ZNF585B: variants seen among roughly 807,000 people sequenced by gnomAD.
The protein encoded by ZNF585B is zinc finger protein 585B, also known as zinc finger protein 41-like protein.
A neutral mutation model predicts 14.0 loss-of-function variants in ZNF585B; 7 were observed. That is an observed-to-expected ratio of 0.50 (90% CI 0.28 to 0.94). The LOEUF (loss-of-function observed/expected upper bound fraction) is 0.94, where lower values mean the gene tolerates loss of function less well. Ranked by LOEUF, ZNF585B falls within the 40% of genes least tolerant of loss-of-function variation. The pLI, the probability that ZNF585B is intolerant of heterozygous loss-of-function variation, is 0.09. For missense variants in ZNF585B, 750 were observed against 924.4 expected (o/e 0.81, Z 2.45); for synonymous variants, 290 against 317.3 (o/e 0.91, Z 0.91).
At chr19:37,198,831 G>C (rs2145440573) in intron 2 of ZNF585B, 1 of 515,292 alleles carries the variant, frequency 1.9e-6, no homozygotes, top group South Asian at 3.4e-5. Context: ...TTTGTATAGA[G>C]GTCACTGGAT....
At position 37,207,310 on chromosome 19, in the gene ZNF585B, G is replaced by T. The variant is rs1398305807; in HGVS notation, c.-143-56C>A. On this transcript the variant is annotated intron_variant, in intron 1 of 4. Transcript: ENST00000532828. ...ACATTCACTACATAAACACTTCCTG[G>T]ATACACCAAGGTGCAGGTCCCTGCG... 3.8e-6 allele frequency: 5 copies of T among 1,332,886 alleles called. No individual in the cohort carries two copies. The African/African-American group carries it at 5.9e-5, about 16-fold the overall frequency. The allele number at this position is 1,332,886 out of a possible 1,614,324, so 82.6% of individuals were successfully genotyped here.
rs144240727 is a variant in ZNF585B, at chr19:37,210,090, G to T, written c.-144+351C>A. ...AAAAAATTTTTAAACACTTAGATTTGAACAATACGAAACTGCTACACATCA... is the reference window on the plus strand; with the variant it reads ...AAAAAATTTTTAAACACTTAGATTTTAACAATACGAAACTGCTACACATCA... On this transcript the variant is annotated intron_variant, in intron 1 of 4. Transcript: ENST00000532828. Among the ~76,000 whole-genome samples, 321 of 152,136 alleles carry T rather than the reference G, an allele frequency of 2.1e-3. 4 individuals carry two copies. The highest frequency in any genetic ancestry group is 7.6e-3 in the African/African-American group (314 of 41,516).
At chr19:37,190,396 C>A (rs1972387477) in intron 2 of ZNF585B, 1 of 356,804 alleles carries the variant, frequency 2.8e-6, no homozygotes, top group African/African-American at 2.1e-5. Flanking sequence ...CAGGCACGTG[C>A]CACCACACCC....
intron 2 of ZNF585B, among the ~76,000 whole-genome samples, chr19:37,192,517 A>AT (rs920195868): frequency 2.0e-4 from 28 of 137,604 alleles, no homozygotes; most frequent in South Asian, 4.6e-4. Context: ...AAAAAAAAAA[A>AT]AAATAAAATA....
At chr19:37,204,772 A>G (rs1972568111) in intron 2 of ZNF585B, among the ~76,000 whole-genome samples, 1 of 148,680 alleles carries the variant, frequency 6.7e-6, no homozygotes, top group African/African-American at 2.5e-5. Flanking sequence ...TTTGAGACAG[A>G]GGCTCACTCT....
rs1972381533 is a variant in ZNF585B at position 37,189,991 on chromosome 19, C to T, written c.199+33G>A. 5 of 1,610,422 alleles carry T rather than the reference C, an allele frequency of 3.1e-6. No homozygotes were observed. In the Admixed American group the frequency reaches 6.7e-5, roughly 22 times the overall value. ...GAGAATGAAAACACTCTCAGTGAGG[C>T]CTCCTTTCAGATACCAAGGTGACTG... On this transcript the variant is annotated intron_variant, in intron 3 of 4. Coordinates refer to ENST00000532828, the MANE Select transcript of ZNF585B (RefSeq NM_152279.4).
At position 37,202,163 on chromosome 19, in the gene ZNF585B, C is replaced by T. The variant is rs117485136; in HGVS notation, c.72+4877G>A. Among the ~76,000 whole-genome samples, 1,269 of 152,000 alleles carry T rather than the reference C, an allele frequency of 8.3e-3. 7 individuals carry two copies. The highest frequency in any genetic ancestry group is 0.014 in the Non-Finnish European group (946 of 67,952). On this transcript the variant is annotated intron_variant, in intron 2 of 4. Transcript: ENST00000532828. ...ACCAGTAGCTGGGATTACAGGCGCC[C>T]GCCTAATTTTTGTATTTTTAATAGA...
chr19:37,192,484 G>C (rs1200391560), intron 2 of ZNF585B, among the ~76,000 whole-genome samples: 1 of 150,222 alleles, frequency 6.7e-6, no homozygotes, highest in Non-Finnish European at 1.5e-5. Context: ...TCCAACCTGA[G>C]TGACAGAGCG....
rs755551847 is a variant in ZNF585B at position 37,190,162 on chromosome 19, C to A, written c.73-12G>T. On this transcript the variant is annotated splice_polypyrimidine_tract_variant and intron_variant, in intron 2 of 4. Transcript: ENST00000532828. The stretch of plus-strand genomic sequence containing the variant: ...AAGGACACTGATCCCTGTAAGGGCA[C>A]ATTCCTGTTCAATGTGCATAGTCAG... 1.2e-6 allele frequency: 2 copies of A among 1,614,140 alleles called. No homozygotes were observed. Among genetic ancestry groups the A allele is most frequent in the East Asian group, 4.5e-5 (2 of 44,880 alleles).
chr19:37,182,228 T>G lies in ZNF585B; in HGVS notation c.*2999A>C, dbSNP rs575606890. 4 of 152,240 alleles carry G rather than the reference T, an allele frequency of 2.6e-5. No individual in the cohort carries two copies. The highest frequency in any genetic ancestry group is 9.6e-5 in the African/African-American group (4 of 41,542). 9.4% of individuals were successfully genotyped at this position (152,240 alleles called of 1,614,324 possible). On this transcript the variant is annotated 3_prime_UTR_variant, in exon 5 of 5. Transcript: ENST00000532828. ...CTAAAATATCACGTTACAATAAATA[T>G]AAAGGAGAAATTATTGAAAGTCATG...
At chr19:37,204,895 C>T (rs920525768) in intron 2 of ZNF585B, among the ~76,000 whole-genome samples, 3 of 151,950 alleles carry the variant, frequency 2.0e-5, no homozygotes, top group African/African-American at 7.3e-5. Flanking sequence ...TACAGGCGTA[C>T]GCCACCATGC....
At position 37,181,750 on chromosome 19, in the gene ZNF585B, A is replaced by C. The variant is rs1248527826; in HGVS notation, c.*3477T>G. ...TACGAAAAGACATGGAAGAAACTTAAATCCACATTACTAAGTGAAACAAAT... is the reference window on the plus strand; with the variant it reads ...TACGAAAAGACATGGAAGAAACTTACATCCACATTACTAAGTGAAACAAAT... On this transcript the variant is annotated 3_prime_UTR_variant, in exon 5 of 5. Coordinates refer to ENST00000532828, the MANE Select transcript of ZNF585B (RefSeq NM_152279.4). The C allele has an allele frequency of 6.6e-6, 1 of 152,186 alleles. No homozygotes were observed. Among genetic ancestry groups the C allele is most frequent in the Non-Finnish European group, 1.5e-5 (1 of 68,038 alleles). 9.4% of individuals were successfully genotyped at this position (152,186 alleles called of 1,614,324 possible).
chr19:37,193,114 G>T (rs571910560), intron 2 of ZNF585B, among the ~76,000 whole-genome samples: 1 of 151,912 alleles, frequency 6.6e-6, no homozygotes, highest in Non-Finnish European at 1.5e-5. Context: ...CAGCCTGGGC[G>T]ACAGTGCAAG....
At chr19:37,194,212 T>G (rs1972435300) in intron 2 of ZNF585B, among the ~76,000 whole-genome samples, 1 of 152,170 alleles carries the variant, frequency 6.6e-6, no homozygotes, top group Admixed American at 6.6e-5. Context: ...TATATTTAAA[T>G]TTTTTCGTAA....
At chr19:37,193,673 G>C (rs111681149) in intron 2 of ZNF585B, among the ~76,000 whole-genome samples, 1 of 151,796 alleles carries the variant, frequency 6.6e-6, no homozygotes, top group Non-Finnish European at 1.5e-5. Flanking sequence ...CCAGTTACTC[G>C]GGAGGCTGAG....
rs140349809 is a variant in ZNF585B, at chr19:37,207,025, ACTC to A, written c.72+12_72+14del. The A allele has an allele frequency of 4.2e-3, 6,743 of 1,612,906 alleles. 226 individuals carry two copies. The Admixed American group carries it at 0.063, about 15-fold the overall frequency. On this transcript the variant is annotated intron_variant, in intron 2 of 4. Transcript: ENST00000532828. ...TTGGACTGAAATTCCACCCCTTGGG[ACTC>A]CTCCTCCTCACCTCATAGGAGCTGC... is the stretch of plus-strand genomic sequence containing the variant.
At chr19:37,196,747 ATT>A (rs1972468883) in intron 2 of ZNF585B, among the ~76,000 whole-genome samples, 2 of 152,136 alleles carry the variant, frequency 1.3e-5, no homozygotes, top group Non-Finnish European at 2.9e-5. Context: ...TCTTAAAAGC[ATT>A]TTCTTTTCTC....
intron 2 of ZNF585B, among the ~76,000 whole-genome samples, chr19:37,206,388 T>C (rs1274540770): frequency 2.6e-5 from 4 of 151,340 alleles, no homozygotes; most frequent in Non-Finnish European, 5.9e-5. Flanking sequence ...GAGGCGGAGG[T>C]TGCAGTGAGC....
chr19:37,210,254 C>T (rs1972632434), intron 1 of ZNF585B, among the ~76,000 whole-genome samples, 187 bp downstream of exon 1: 1 of 152,018 alleles, frequency 6.6e-6, no homozygotes, highest in African/African-American at 2.4e-5. Flanking sequence ...CACAGACTCC[C>T]GTCACTGACC....
Sources: gnomAD v4.1 joint callset for allele counts (sites outside exome capture counted in the v4.1 genomes callset) on GRCh38, gnomAD v4.1.1 for gene constraint, MANE v1.5 for transcripts, NCBI Gene and HGNC (gene_info 2026-07-23, HGNC 2026-07-21) for gene names.